DIP2B: variants seen among roughly 807,000 people sequenced by gnomAD.
DIP2B encodes disco-interacting protein 2 homolog B.
Under a neutral mutation model 198.0 loss-of-function variants are expected in DIP2B, and 76 were observed. The observed-to-expected ratio is 0.38, with a 90% CI of 0.32 to 0.46. The LOEUF (loss-of-function observed/expected upper bound fraction) is 0.46, where lower values mean the gene tolerates loss of function less well. Ranked by LOEUF, DIP2B falls within the 20% of genes least tolerant of loss-of-function variation. The pLI is 0.99. For missense variants in DIP2B, 1,559 were observed against 1,978.4 expected, an observed-to-expected ratio of 0.79 and a Z score of 4.02; for synonymous variants, 701 against 739.1, an observed-to-expected ratio of 0.95 and a Z score of 0.84.
intron 1 of DIP2B, among the ~76,000 whole-genome samples, chr12:50,596,655 A>C (rs1565838443): frequency 6.6e-6 from 1 of 152,200 alleles, no homozygotes; most frequent in Non-Finnish European, 1.5e-5. Context: ...ACTTGAGCCC[A>C]GGAGTTTGAG....
intron 17 of DIP2B, 76 bp from the exon 18 acceptor site, chr12:50,698,252 A>G: frequency 6.6e-7 from 1 of 1,512,668 alleles, no homozygotes; most frequent in Admixed American, 2.1e-5. Flanking sequence ...GCCAGAGGAA[A>G]TTTGTCTTCC....
chr12:50,742,832 G>A (rs1369777467), intron 37 of DIP2B, among the ~76,000 whole-genome samples: 1 of 151,894 alleles, frequency 6.6e-6, no homozygotes, highest in Non-Finnish European at 1.5e-5. Flanking sequence ...GGAGGCGGAG[G>A]TTGCAATGGG....
In DIP2B at chr12:50,685,836, G is replaced by T. The variant is rs746453658; in HGVS notation, c.1321G>T (p.Ala441Ser). The T allele has an allele frequency of 6.2e-7, 1 of 1,613,368 alleles. No individual in the cohort carries two copies. Among genetic ancestry groups the T allele is most frequent in the Admixed American group, 1.7e-5 (1 of 59,964 alleles). The change falls in exon 11 of 38, where the codon GCT becomes TCT. Residue 441 changes from alanine (A) to serine (S), a missense_variant. Transcript: ENST00000301180. ...GTTCATTATCATTTCTCCACAGGAT[G>T]CTGGAGGTCAGCAGATTGGCTTCTT... ...PIEVPLTRKD[A>S]GGQQIGFLLG...
At chr12:50,664,314 T>G (rs921188884) in intron 4 of DIP2B, among the ~76,000 whole-genome samples, 4 of 152,244 alleles carry the variant, frequency 2.6e-5, no homozygotes, top group African/African-American at 9.6e-5. Flanking sequence ...AATCACCTGA[T>G]AAGATGTCAG....
chr12:50,744,246 C>T (rs1940307618), intron 37 of DIP2B, among the ~76,000 whole-genome samples: 1 of 152,180 alleles, frequency 6.6e-6, no homozygotes, highest in South Asian at 2.1e-4. Flanking sequence ...AGGTGATCCG[C>T]CCATGTCGGC....
intron 4 of DIP2B, among the ~76,000 whole-genome samples, chr12:50,661,958 A>T (rs747370765): frequency 6.6e-6 from 1 of 152,184 alleles, no homozygotes; most frequent in African/African-American, 2.4e-5. Context: ...ATCCGCTTTT[A>T]CAAAAGTCAC....
chr12:50,613,666 A>T (rs1959049828), intron 1 of DIP2B, among the ~76,000 whole-genome samples: 1 of 152,218 alleles, frequency 6.6e-6, no homozygotes, highest in Non-Finnish European at 1.5e-5. Context: ...AACTGCCCTA[A>T]GGGACTGAGT....
In DIP2B at chr12:50,674,458, T is replaced by C; in HGVS notation, c.641-16T>C. 2.5e-6 allele frequency: 4 copies of C among 1,614,120 alleles called. No individual in the cohort carries two copies. Among genetic ancestry groups the C allele is most frequent in the Non-Finnish European group, 3.4e-6 (4 of 1,179,964 alleles). On this transcript the variant is annotated splice_polypyrimidine_tract_variant and intron_variant, in intron 5 of 37. Transcript: ENST00000301180. ...TTGCTGCTAATATAATTCTAAACTT[T>C]GTTTTCTCCTCTCAGAGAATTTCTC... is the stretch of plus-strand genomic sequence containing the variant.
chr12:50,607,382 A>G (rs566600388), intron 1 of DIP2B, among the ~76,000 whole-genome samples: 1 of 152,346 alleles, frequency 6.6e-6, no homozygotes, highest in African/African-American at 2.4e-5. Context: ...GATGTTTCTG[A>G]CTTCCACAGC....
rs62685162 is a variant in DIP2B at position 50,578,504 on chromosome 12, CTTTTTTTTT to C, written c.101-47459_101-47451del. Among the ~76,000 whole-genome samples, 47 of 111,618 alleles carry C rather than the reference CTTTTTTTTT, an allele frequency of 4.2e-4. No individual in the cohort carries two copies. In the South Asian group the frequency reaches 5.0e-3, roughly 12 times the overall value. 73.2% of individuals were successfully genotyped at this position (111,618 alleles called of 152,430 possible). A position where few individuals can be genotyped will look rare whatever the true frequency, so the allele number is the denominator to read the frequency against. On this transcript the variant is annotated intron_variant, in intron 1 of 37. Transcript: ENST00000301180. The stretch of plus-strand genomic sequence containing the variant: ...TAATGATATTAAGATGTTATTTGCT[CTTTTTTTTT>C]TTTTTTTTTTTTGAGACGGAGTCTC...
intron 37 of DIP2B, among the ~76,000 whole-genome samples, chr12:50,743,212 A>G (rs1016836570): frequency 6.6e-6 from 1 of 152,064 alleles, no homozygotes; most frequent in African/African-American, 2.4e-5. Flanking sequence ...CCTCCCGGGT[A>G]GCTGGGACTA....
At chr12:50,524,436 C>CA (rs1958145296) in intron 1 of DIP2B, among the ~76,000 whole-genome samples, 1 of 152,192 alleles carries the variant, frequency 6.6e-6, no homozygotes, top group Admixed American at 6.5e-5. Context: ...CCTGACCCCT[C>CA]ATCTTTTCCC....
At chr12:50,697,038 G>A (rs1248441705) in intron 16 of DIP2B, 23 bp from the exon 17 acceptor site, 9 of 1,575,532 alleles carry the variant, frequency 5.7e-6, no homozygotes, top group Non-Finnish European at 7.8e-6. Flanking sequence ...TCAGCTTCAG[G>A]TTGATCTGTT....
intron 22 of DIP2B, among the ~76,000 whole-genome samples, chr12:50,712,691 G>C (rs1429878935): frequency 2.0e-5 from 3 of 152,018 alleles, no homozygotes; most frequent in African/African-American, 7.3e-5. Flanking sequence ...GGTGGATCAC[G>C]AGGTCAGGAG....
chr12:50,589,747 G>A (rs542535970), intron 1 of DIP2B, among the ~76,000 whole-genome samples: 2 of 152,184 alleles, frequency 1.3e-5, no homozygotes, highest in African/African-American at 4.8e-5. Context: ...ATTGCTCTTG[G>A]GGGCCAGAGG....
chr12:50,509,954 T>C (rs1231911953), intron 1 of DIP2B, among the ~76,000 whole-genome samples: 1 of 152,226 alleles, frequency 6.6e-6, no homozygotes, highest in African/African-American at 2.4e-5. Context: ...GTAATCTACC[T>C]CCAGAACTTG....
At chr12:50,691,276 C>T in intron 13 of DIP2B, 125 bp downstream of exon 13, 2 of 871,366 alleles carry the variant, frequency 2.3e-6, no homozygotes, top group Non-Finnish European at 3.4e-6. Context: ...AAGACACATT[C>T]TTGGCTTGCT....
chr12:50,672,348 T>TCTGCC (rs979477570), intron 5 of DIP2B, among the ~76,000 whole-genome samples: 1 of 152,196 alleles, frequency 6.6e-6, no homozygotes, highest in Admixed American at 6.5e-5. Flanking sequence ...CACGCTTAGC[T>TCTGCC]CTGCCCTGCC....
Position 50,739,432 on chromosome 12 carries a change from A to G in DIP2B, c.4200A>G (p.Thr1400=). ...AGATTTGGGTGAACAGTCCCCATAC[A>G]GCCAGCGGCTACTACACCATCTATG... is the stretch of plus-strand genomic sequence containing the variant. The part of the protein sequence containing the change: ...LGEIWVNSPH[T]ASGYYTIYDS... The change falls in exon 36 of 38, where the codon ACA becomes ACG. Residue 1400 remains threonine, a synonymous_variant. Coordinates refer to ENST00000301180, the MANE Select transcript of DIP2B (RefSeq NM_173602.3). 6.2e-7 allele frequency: 1 copy of G among 1,613,606 alleles called. No individual in the cohort carries two copies. The highest frequency in any genetic ancestry group is 8.5e-7 in the Non-Finnish European group (1 of 1,179,520).
Sources: gnomAD v4.1 joint callset for allele counts (sites outside exome capture counted in the v4.1 genomes callset) on GRCh38, gnomAD v4.1.1 for gene constraint, MANE v1.5 for transcripts, NCBI Gene and HGNC (gene_info 2026-07-23, HGNC 2026-07-21) for gene names.